Variants in CLDN10 observed in about 807,000 individuals in gnomAD.
The protein encoded by CLDN10 is claudin-10.
In CLDN10, 15 loss-of-function variants were observed where a neutral mutation model predicts 22.9. That is an observed-to-expected ratio of 0.65 (90% confidence interval 0.44 to 1.01). The LOEUF (loss-of-function observed/expected upper bound fraction) is 1.01. Among genes scored for constraint, CLDN10 ranks in the 50% least tolerant of loss-of-function variants. CLDN10 has a pLI of 0.00. For synonymous variants in CLDN10, 114 were observed against 111.4 expected, an observed-to-expected ratio of 1.02 and a Z score of -0.15; for missense variants, 247 against 287.8, an observed-to-expected ratio of 0.86 and a Z score of 1.03.
chr13:95,449,751 T>C (rs1239097467), intron 1 of CLDN10, among the ~76,000 whole-genome samples: 7 of 149,842 alleles, frequency 4.7e-5, no homozygotes, highest in Admixed American at 4.6e-4. Context: ...TTTTTTTTTT[T>C]TTTTCTTTTT....
intron 1 of CLDN10, among the ~76,000 whole-genome samples, chr13:95,557,560 T>C (rs1257193262): frequency 6.6e-6 from 1 of 152,208 alleles, no homozygotes; most frequent in African/African-American, 2.4e-5. Context: ...ATCGTCCTTG[T>C]AAATTGCCTT....
chr13:95,532,792 C>CAAAACAAAAA (rs2043358037), intron 1 of CLDN10, among the ~76,000 whole-genome samples: 1 of 62,022 alleles, frequency 1.6e-5, no homozygotes. Flanking sequence ...CTCAATTCAG[C>CAAAACAAAAA]AAAAAAAAAA....
chr13:95,578,268 A>G lies in CLDN10; in HGVS notation c.*254A>G, dbSNP rs897229798. ...TAAAATGTTTTCTACATTTATATAG[A>G]ACATGAAAAGCATTTAGTACCAAAG... is the stretch of plus-strand genomic sequence containing the variant. On this transcript the variant is annotated 3_prime_UTR_variant, in exon 5 of 5. Transcript: ENST00000299339. The G allele has an allele frequency of 2.1e-5, 6 of 282,658 alleles. No individual in the cohort carries two copies. Among genetic ancestry groups the G allele is most frequent in the Non-Finnish European group, 4.0e-5 (6 of 150,962 alleles). The allele number at this position is 282,658 out of a possible 1,614,324, so 17.5% of individuals were successfully genotyped here.
intron 3 of CLDN10, among the ~76,000 whole-genome samples, chr13:95,563,473 A>G (rs1033768195): frequency 6.6e-6 from 1 of 152,158 alleles, no homozygotes. Flanking sequence ...GTGCTTATCC[A>G]TTGGTAATAT....
At chr13:95,493,351 C>CATGTTTA (rs1396825954) in intron 1 of CLDN10, among the ~76,000 whole-genome samples, 3 of 151,822 alleles carry the variant, frequency 2.0e-5, no homozygotes, top group Non-Finnish European at 4.4e-5. Context: ...TTTAAGTATA[C>CATGTTTA]AGTTCAGTGG....
intron 1 of CLDN10, among the ~76,000 whole-genome samples, chr13:95,506,510 C>T (rs2043040518): frequency 6.6e-6 from 1 of 152,190 alleles, no homozygotes; most frequent in Non-Finnish European, 1.5e-5. Context: ...AGAGACTCCC[C>T]TCTGCCTCCC....
At chr13:95,473,004 G>C (rs1466314005) in intron 1 of CLDN10, among the ~76,000 whole-genome samples, 1 of 152,032 alleles carries the variant, frequency 6.6e-6, no homozygotes, top group African/African-American at 2.4e-5. Context: ...GTTGGGTGTG[G>C]TGGCATGCAC....
At chr13:95,493,552 C>A (rs1337240756) in intron 1 of CLDN10, among the ~76,000 whole-genome samples, 2 of 139,306 alleles carry the variant, frequency 1.4e-5, no homozygotes, top group Non-Finnish European at 3.1e-5. Flanking sequence ...TATTTGCCTA[C>A]CCCCACTTTT....
intron 3 of CLDN10, 128 bp downstream of exon 3, chr13:95,560,591 A>G: frequency 1.4e-6 from 1 of 704,602 alleles, no homozygotes; most frequent in Non-Finnish European, 2.4e-6. Context: ...GTAACTGATG[A>G]CATCATTCAA....
At chr13:95,444,025 T>C (rs1404059814) in intron 1 of CLDN10, among the ~76,000 whole-genome samples, 2 of 152,200 alleles carry the variant, frequency 1.3e-5, no homozygotes, top group African/African-American at 4.8e-5. Flanking sequence ...GACTTCATAC[T>C]TATCTGATTT....
intron 1 of CLDN10, among the ~76,000 whole-genome samples, chr13:95,468,715 G>A (rs2042602188): frequency 6.6e-6 from 1 of 151,712 alleles, no homozygotes; most frequent in Admixed American, 6.6e-5. Context: ...GACAGAGTGA[G>A]ACCCTGTCTC....
intron 1 of CLDN10, among the ~76,000 whole-genome samples, chr13:95,528,328 C>A (rs1243365901): frequency 5.3e-5 from 8 of 152,132 alleles, no homozygotes; most frequent in Non-Finnish European, 2.9e-5. Flanking sequence ...CTCTTGCCTG[C>A]CTCCATGTAT....
rs142228553 is a variant in CLDN10, at chr13:95,557,852, A to G, written c.221-2280A>G. Among the ~76,000 whole-genome samples the G allele has an allele frequency of 1.2e-3, 182 of 152,290 alleles. 1 individual carries two copies. Among genetic ancestry groups the G allele is most frequent in the African/African-American group, 3.9e-3 (161 of 41,568 alleles). On this transcript the variant is annotated intron_variant, in intron 1 of 4. Transcript: ENST00000299339. ...AGACTACTGTTATTTTCCCTGTTGT[A>G]TTAAGAATCGAATGGGTTGGCCTGG...
intron 1 of CLDN10, among the ~76,000 whole-genome samples, chr13:95,507,798 C>G (rs1245890971): frequency 7.2e-5 from 11 of 151,966 alleles, no homozygotes; most frequent in African/African-American, 2.7e-4. Context: ...TAATTTTGTA[C>G]TTTTAGTAAA....
chr13:95,475,272 T>C (rs2042675050), intron 1 of CLDN10, among the ~76,000 whole-genome samples: 1 of 152,160 alleles, frequency 6.6e-6, no homozygotes, highest in Non-Finnish European at 1.5e-5. Flanking sequence ...GGGACATCCC[T>C]GTGATTATGG....
chr13:95,492,107 C>T (rs142804371), intron 1 of CLDN10, among the ~76,000 whole-genome samples: 1,621 of 151,796 alleles, frequency 0.011, 27 homozygotes, highest in African/African-American at 0.037. Context: ...TCCTTAACTT[C>T]GGTGGTTTAA....
At chr13:95,550,679 T>C (rs2043553659), upstream of CLDN10, among the ~76,000 whole-genome samples, 1 of 152,088 alleles carries the variant, frequency 6.6e-6, no homozygotes, top group Non-Finnish European at 1.5e-5. Flanking sequence ...AGTGGAAATA[T>C]GCTGGAGGGC....
Position 95,475,263 on chromosome 13 carries a change from G to A in CLDN10, c.214+41216G>A, listed in dbSNP as rs929108521. Among the ~76,000 whole-genome samples the A allele has an allele frequency of 9.9e-5, 15 of 152,282 alleles. 1 individual carries two copies. The South Asian group carries it at 1.0e-3, about 11-fold the overall frequency. ...ACATATTTGTAGGGATGGGGTCAGG[G>A]GACATCCCTGTGATTATGGAAGCTC... On this transcript the variant is annotated intron_variant, in intron 1 of 4. Coordinates refer to the CLDN10 transcript ENST00000376873.
intron 1 of CLDN10, among the ~76,000 whole-genome samples, chr13:95,513,978 C>G (rs916095751): frequency 6.6e-6 from 1 of 152,190 alleles, no homozygotes; most frequent in Non-Finnish European, 1.5e-5. Context: ...CAGCCTATTA[C>G]CAGGCATGGT....
Sources: gnomAD v4.1 joint callset for allele counts (sites outside exome capture counted in the v4.1 genomes callset) on GRCh38, gnomAD v4.1.1 for gene constraint, MANE v1.5 for transcripts, NCBI Gene and HGNC (gene_info 2026-07-23, HGNC 2026-07-21) for gene names.